SPOCK1: variants seen among roughly 807,000 people sequenced by gnomAD.
SPOCK1 encodes the protein SPARC (osteonectin), cwcv and kazal like domains proteoglycan 1.
In SPOCK1, 23 loss-of-function variants were observed where a neutral mutation model predicts 55.3. That is an observed-to-expected ratio of 0.42 (90% CI 0.30 to 0.59). The LOEUF is 0.59. Among genes scored for constraint, SPOCK1 ranks in the 20% least tolerant of loss-of-function variants. SPOCK1 has a pLI of 0.22. For synonymous variants in SPOCK1, 226 were observed against 221.0 expected (o/e 1.02, Z -0.20); for missense variants, 499 against 552.5 (o/e 0.90, Z 0.97).
chr5:137,444,756 G>T (rs562283018), intron 2 of SPOCK1, among the ~76,000 whole-genome samples: 25 of 152,316 alleles, frequency 1.6e-4, no homozygotes, highest in Non-Finnish European at 2.9e-4. Flanking sequence ...GAGTGTGCAC[G>T]CAGGGCTATA....
chr5:137,149,951 C>A (rs967775953), intron 3 of SPOCK1, among the ~76,000 whole-genome samples: 2 of 152,160 alleles, frequency 1.3e-5, no homozygotes, highest in African/African-American at 4.8e-5. Flanking sequence ...TTGTGAGGAT[C>A]TGATGGGATA....
At chr5:137,210,014 A>G (rs1023602030) in intron 3 of SPOCK1, among the ~76,000 whole-genome samples, 1 of 152,252 alleles carries the variant, frequency 6.6e-6, no homozygotes, top group Admixed American at 6.5e-5. Context: ...TTACAAAGCC[A>G]GAACTGCAAG....
At chr5:137,485,304 A>G (rs1216398563) in intron 2 of SPOCK1, among the ~76,000 whole-genome samples, 1 of 152,158 alleles carries the variant, frequency 6.6e-6, no homozygotes, top group Admixed American at 6.5e-5. Flanking sequence ...TTCTCCTTCA[A>G]CTGGAACATA....
intron 6 of SPOCK1, among the ~76,000 whole-genome samples, chr5:137,025,431 G>T (rs1178551586): frequency 1.3e-5 from 2 of 152,158 alleles, no homozygotes; most frequent in Non-Finnish European, 2.9e-5. Flanking sequence ...CATTACCTCT[G>T]CCCATATCAC....
chr5:137,391,202 T>C (rs565926295), intron 2 of SPOCK1, among the ~76,000 whole-genome samples: 14 of 152,288 alleles, frequency 9.2e-5, no homozygotes, highest in Middle Eastern at 3.4e-3. Flanking sequence ...GTTTCCAGCT[T>C]TATACATGTC....
At chr5:137,309,456 C>T (rs867792635) in intron 2 of SPOCK1, among the ~76,000 whole-genome samples, 1 of 152,180 alleles carries the variant, frequency 6.6e-6, no homozygotes, top group Non-Finnish European at 1.5e-5. Context: ...GGAACCAAAC[C>T]AAACCTCCCC....
chr5:137,178,900 T>C (rs550033854), intron 3 of SPOCK1, among the ~76,000 whole-genome samples: 33 of 152,296 alleles, frequency 2.2e-4, no homozygotes, highest in African/African-American at 6.3e-4. Context: ...CAGCATAACC[T>C]TAATAAATGG....
In SPOCK1 at chr5:137,083,455, C is replaced by G. The variant is rs758230538; in HGVS notation, c.475-15626G>C. 1.2e-4 allele frequency among the ~76,000 whole-genome samples: 18 copies of G among 152,086 alleles called. 1 individual carries two copies. Among genetic ancestry groups the G allele is most frequent in the South Asian group, 4.1e-4 (2 of 4,820 alleles). ...TTCTGATTTGTAAAATGGGGGAAAC[C>G]ATGATGCCTCCCTCAATGGGCAGCG... is the stretch of plus-strand genomic sequence containing the variant. On this transcript the variant is annotated intron_variant, in intron 5 of 10. Coordinates refer to ENST00000394945, the MANE Select transcript of SPOCK1 (RefSeq NM_004598.4).
rs1401159546 is a variant in SPOCK1, at chr5:136,977,587, C to T, written c.*1067G>A. ...TATGTGTGCATGCCTTAGAAAAAGC[C>T]CTTGAGTAGGTAAGGAAGGAAGAAA... On this transcript the variant is annotated 3_prime_UTR_variant, in exon 11 of 11. Transcript: ENST00000394945. 7.7e-6 allele frequency: 3 copies of T among 388,386 alleles called. No homozygotes were observed. Among genetic ancestry groups the T allele is most frequent in the Admixed American group, 4.5e-5 (1 of 22,386 alleles). The allele number at this position is 388,386 out of a possible 1,614,324, so 24.1% of individuals were successfully genotyped here. A position where few individuals can be genotyped will look rare whatever the true frequency, so the allele number is the denominator to read the frequency against.
intron 3 of SPOCK1, among the ~76,000 whole-genome samples, chr5:137,211,969 G>A (rs527333934): frequency 3.9e-5 from 6 of 152,302 alleles, no homozygotes; most frequent in African/African-American, 1.4e-4. Flanking sequence ...TGAGAGTAAA[G>A]TGGTTCCCTG....
intron 6 of SPOCK1, among the ~76,000 whole-genome samples, chr5:136,998,795 A>T (rs1383417760): frequency 6.6e-6 from 1 of 152,228 alleles, no homozygotes; most frequent in Non-Finnish European, 1.5e-5. Flanking sequence ...CTGGGGCTTC[A>T]TTAGAGAAAG....
At chr5:137,378,852 G>A (rs1167796051) in intron 2 of SPOCK1, among the ~76,000 whole-genome samples, 4 of 152,172 alleles carry the variant, frequency 2.6e-5, no homozygotes, top group Non-Finnish European at 5.9e-5. Context: ...TAGAGAGAGA[G>A]AAGAAAGCAG....
intron 3 of SPOCK1, among the ~76,000 whole-genome samples, chr5:137,264,957 A>C (rs185314552): frequency 5.4e-4 from 82 of 152,278 alleles, no homozygotes; most frequent in African/African-American, 1.9e-3. Context: ...TAAGGTCCTT[A>C]ATTATATCCC....
intron 2 of SPOCK1, among the ~76,000 whole-genome samples, chr5:137,393,285 CA>C (rs761302265): frequency 2.0e-5 from 3 of 152,174 alleles, no homozygotes; most frequent in Non-Finnish European, 4.4e-5. Context: ...AGATAGGACA[CA>C]AGCAGAAGCT....
intron 2 of SPOCK1, among the ~76,000 whole-genome samples, chr5:137,355,914 C>G (rs1425479008): frequency 6.6e-6 from 1 of 152,188 alleles, no homozygotes; most frequent in Non-Finnish European, 1.5e-5. Flanking sequence ...GGTAGCTCAG[C>G]CACCTTGGAC....
intron 6 of SPOCK1, among the ~76,000 whole-genome samples, chr5:137,033,564 C>G (rs1237580051): frequency 6.6e-6 from 1 of 152,112 alleles, no homozygotes; most frequent in Non-Finnish European, 1.5e-5. Context: ...ATGAAGGGGT[C>G]TCCCCACTGG....
chr5:137,410,791 T>C (rs986561584), intron 2 of SPOCK1, among the ~76,000 whole-genome samples: 16 of 152,070 alleles, frequency 1.1e-4, no homozygotes, highest in Admixed American at 5.9e-4. Context: ...AGACATCCCA[T>C]GCACAAAGGA....
chr5:137,498,194 C>A (rs1323482453), intron 2 of SPOCK1, among the ~76,000 whole-genome samples, 179 bp downstream of exon 2: 4 of 151,906 alleles, frequency 2.6e-5, no homozygotes, highest in Non-Finnish European at 5.9e-5. Context: ...AAGTTCCTTT[C>A]AGGCAAGACC....
rs569283014 is a variant in SPOCK1, at chr5:136,986,730, A to G, written c.929-1528T>C. 3.4e-5 allele frequency among the ~76,000 whole-genome samples: 5 copies of G among 148,778 alleles called. No individual in the cohort carries two copies. The East Asian group carries it at 9.7e-4, about 29-fold the overall frequency. ...CTATTTCAGTTACAATGGTAGCAAT[A>G]ATAAATACAAGGGAAGTATAATAAT... On this transcript the variant is annotated intron_variant, in intron 8 of 10. Transcript: ENST00000394945.
Sources: allele counts gnomAD v4.1 joint callset (sites outside exome capture counted in the v4.1 genomes callset), GRCh38; gene constraint gnomAD v4.1.1; transcripts MANE v1.5; gene names NCBI Gene and HGNC (gene_info 2026-07-23, HGNC 2026-07-21).